The following RRP12 variants were observed in gnomAD, a reference collection of about 807,000 sequenced individuals.
The protein encoded by RRP12 is ribosomal RNA processing 12 homolog.
A neutral mutation model predicts 157.3 loss-of-function variants in RRP12; 78 were observed. That is an observed-to-expected ratio of 0.50 (90% CI 0.41 to 0.60). The LOEUF is 0.60. Among genes scored for constraint, RRP12 ranks in the 20% least tolerant of loss-of-function variants. The pLI is 0.00. For missense variants in RRP12, 1,521 were observed against 1,679.9 expected (o/e 0.91, Z 1.65); for synonymous variants, 726 against 670.9 (o/e 1.08, Z -1.27).
At chr10:97,396,540 T>C (rs1047148183) in intron 2 of RRP12, among the ~76,000 whole-genome samples, 1 of 152,018 alleles carries the variant, frequency 6.6e-6, no homozygotes, top group African/African-American at 2.4e-5. Flanking sequence ...ATGAGATGAG[T>C]GTGCAAATAT....
At position 97,358,543 on chromosome 10, in the gene RRP12, T is replaced by C. The variant is rs1465917567; in HGVS notation, c.3785A>G (p.Asn1262Ser). ...AYIPLNRSKLNRRKKMKLQGQ... is the reference protein window; with the variant it reads ...AYIPLNRSKLSRRKKMKLQGQ... ...GCCTGGCACAGCGTCATACCTGCGGTTGAGCTTGCTTCTGTTGAGGGGGAT... is the reference window on the plus strand; with the variant it reads ...GCCTGGCACAGCGTCATACCTGCGGCTGAGCTTGCTTCTGTTGAGGGGGAT... The change falls in exon 33 of 34, where the codon AAC (asparagine) becomes AGC (serine). Residue 1262 changes from asparagine to serine, a missense_variant. Coordinates refer to ENST00000370992, the MANE Select transcript of RRP12 (RefSeq NM_015179.4). The C allele has an allele frequency of 1.2e-5, 20 of 1,613,474 alleles. 1 individual carries two copies. Among genetic ancestry groups the C allele is most frequent in the Non-Finnish European group, 1.6e-5 (19 of 1,179,472 alleles).
At chr10:97,377,859 A>G (rs1844353328) in intron 15 of RRP12, among the ~76,000 whole-genome samples, 1 of 151,856 alleles carries the variant, frequency 6.6e-6, no homozygotes, top group Non-Finnish European at 1.5e-5. Context: ...AAAAAAAAAA[A>G]AAGAAAAAAA....
intron 10 of RRP12, among the ~76,000 whole-genome samples, chr10:97,382,186 CT>C (rs112456718): frequency 0.38 from 56,944 of 149,050 alleles, 11,027 homozygotes; most frequent in African/African-American, 0.49. Flanking sequence ...CTTCTGCTAA[CT>C]TTTTTTTTTT....
At chr10:97,389,319 T>G (rs1429510167) in intron 6 of RRP12, among the ~76,000 whole-genome samples, 1 of 152,100 alleles carries the variant, frequency 6.6e-6, no homozygotes, top group Admixed American at 6.6e-5. Flanking sequence ...GGTCTCGATC[T>G]CCTGACCTCG....
Position 97,360,549 on chromosome 10 carries a change from G to T in RRP12, c.3637C>A (p.Gln1213Lys). ...GAGAGAGGAGTGGAAGCCTCACCTT[G>T]GTACTGAGGGGGTATCTCCAGCTCC... ...EEELEIPPQY[Q>K]AGGSGIHRPV... Residue 1213 changes from glutamine (Q) to lysine (K), a missense_variant, in exon 31 of 34, where the codon CAA becomes AAA. Transcript: ENST00000370992. 1 of 1,610,974 alleles carries T rather than the reference G, an allele frequency of 6.2e-7. No homozygotes were observed. Among genetic ancestry groups the T allele is most frequent in the Non-Finnish European group, 8.5e-7 (1 of 1,177,156 alleles).
In RRP12 at chr10:97,373,604, C is replaced by T. The variant is rs552818559; in HGVS notation, c.1997G>A (p.Arg666His). 6.8e-5 allele frequency: 110 copies of T among 1,609,314 alleles called. No homozygotes were observed. In the South Asian group the frequency reaches 8.0e-4, roughly 12 times the overall value. ...DLRVTVCQAL[R>H]TLITKGCQAE... is the part of the protein sequence containing the mutation. ...CTGGCAGCCCTTGGTGATGAGGGTG[C>T]GCAGGGCCTGGCACACGGTGACCCT... The change falls in exon 17 of 34, where the codon CGC becomes CAC. Residue 666 changes from arginine (R) to histidine (H), a missense_variant. Coordinates refer to ENST00000370992, the MANE Select transcript of RRP12 (RefSeq NM_015179.4).
intron 2 of RRP12, among the ~76,000 whole-genome samples, chr10:97,397,111 C>G (rs1335917321): frequency 6.6e-6 from 1 of 151,918 alleles, no homozygotes; most frequent in African/African-American, 2.4e-5. Flanking sequence ...ACACCTAACA[C>G]AATGTAAATG....
chr10:97,376,972 C>T (rs371679122), intron 15 of RRP12, among the ~76,000 whole-genome samples: 2 of 151,698 alleles, frequency 1.3e-5, no homozygotes, highest in East Asian at 1.9e-4. Context: ...CTCCGCCCCC[C>T]AGAGTCCAAG....
At chr10:97,384,446 A>AT (rs1844559795) in intron 10 of RRP12, among the ~76,000 whole-genome samples, 2 of 145,892 alleles carry the variant, frequency 1.4e-5, no homozygotes, top group Non-Finnish European at 1.5e-5. Context: ...AGGACCCCCA[A>AT]CTTCGGCAGC....
chr10:97,396,126 T>C, intron 3 of RRP12, 92 bp downstream of exon 3: 3 of 909,902 alleles, frequency 3.3e-6, no homozygotes, highest in Non-Finnish European at 3.7e-6. Context: ...GTTGTCCTTC[T>C]CTACCCCCAC....
At chr10:97,366,393 C>G (rs1392300762) in intron 28 of RRP12, 53 bp downstream of exon 28, 33 of 1,565,664 alleles carry the variant, frequency 2.1e-5, no homozygotes, top group Non-Finnish European at 2.7e-5. Flanking sequence ...ACCTGAGAAC[C>G]TGGCACCATG....
At chr10:97,386,267 T>G (rs1042632910) in intron 8 of RRP12, among the ~76,000 whole-genome samples, 12 of 69,616 alleles carry the variant, frequency 1.7e-4, no homozygotes, top group African/African-American at 8.3e-4. Flanking sequence ...AGCTGTATTT[T>G]TTTTTTTTTT....
chr10:97,367,211 C>G, intron 25 of RRP12, 79 bp from the exon 26 acceptor site: 4 of 1,258,050 alleles, frequency 3.2e-6, no homozygotes, highest in Middle Eastern at 1.9e-4. Context: ...AGCCCAGGGA[C>G]GCAGCATGAT....
At chr10:97,372,303 CAAT>C (rs1844179542) in intron 19 of RRP12, 137 bp from the exon 20 acceptor site, 2 of 601,858 alleles carry the variant, frequency 3.3e-6, no homozygotes, top group Non-Finnish European at 5.9e-6. Flanking sequence ...AGCTCATGAA[CAAT>C]AATAATAGCT....
chr10:97,376,120 A>C lies in RRP12; in HGVS notation c.1799-2226T>G, dbSNP rs146956678. ...TCTGTCTCAAAACAAACAAACAAACAAACAAACCGACCCAAACAAAGCAAA... is the reference window on the plus strand; with the variant it reads ...TCTGTCTCAAAACAAACAAACAAACCAACAAACCGACCCAAACAAAGCAAA... On this transcript the variant is annotated intron_variant, in intron 15 of 33. Transcript: ENST00000370992. Among the ~76,000 whole-genome samples, 1,315 of 151,624 alleles carry C rather than the reference A, an allele frequency of 8.7e-3. 21 individuals are homozygous for C. The highest frequency in any genetic ancestry group is 0.03 in the African/African-American group (1,222 of 41,308).
At chr10:97,393,377 G>A (rs1434046010) in intron 4 of RRP12, 1 of 539,980 alleles carries the variant, frequency 1.9e-6, no homozygotes, top group Non-Finnish European at 3.5e-6. Context: ...AGATCTCACA[G>A]CACGAGCTCC....
chr10:97,379,257 A>G, intron 15 of RRP12, 36 bp downstream of exon 15: 1 of 1,610,574 alleles, frequency 6.2e-7, no homozygotes, highest in South Asian at 1.1e-5. Flanking sequence ...GACTGTGGGG[A>G]GCCTCAGGTC....
chr10:97,366,680 T>C (rs762850855), intron 27 of RRP12, 59 bp from the exon 28 acceptor site: 32 of 1,598,830 alleles, frequency 2.0e-5, no homozygotes, highest in Non-Finnish European at 2.6e-5. Context: ...TCAGCGGGTA[T>C]TGCCTGGGCA....
At chr10:97,389,315 G>C (rs968954868) in intron 6 of RRP12, among the ~76,000 whole-genome samples, 1 of 152,046 alleles carries the variant, frequency 6.6e-6, no homozygotes, top group African/African-American at 2.4e-5. Context: ...GGATGGTCTC[G>C]ATCTCCTGAC....
Sources: gnomAD v4.1 joint callset for allele counts (sites outside exome capture counted in the v4.1 genomes callset) on GRCh38, gnomAD v4.1.1 for gene constraint, MANE v1.5 for transcripts, NCBI Gene and HGNC (gene_info 2026-07-23, HGNC 2026-07-21) for gene names.